Variants in PTPRT observed in about 807,000 individuals in gnomAD.
PTPRT encodes protein tyrosine phosphatase receptor type T.
In PTPRT, 56 loss-of-function variants were observed where a neutral mutation model predicts 176.8. The ratio of observed to expected loss-of-function variants is 0.32; its 90% CI spans 0.26 to 0.40. The LOEUF (loss-of-function observed/expected upper bound fraction) is 0.40, where lower values mean the gene tolerates loss of function less well. Among genes scored for constraint, PTPRT ranks in the 10% least tolerant of loss-of-function variants. The pLI is 1.00. For synonymous variants in PTPRT, 783 were observed against 739.0 expected, an observed-to-expected ratio of 1.06 and a Z score of -0.96; for missense variants, 1,540 against 1,908.2, an observed-to-expected ratio of 0.81 and a Z score of 3.60.
intron 15 of PTPRT, among the ~76,000 whole-genome samples, chr20:42,223,735 T>C (rs2055939666): frequency 1.3e-5 from 2 of 152,170 alleles, no homozygotes; most frequent in Non-Finnish European, 2.9e-5. Flanking sequence ...GATATGAGCT[T>C]AGATTTTTCA....
chr20:42,662,130 T>C (rs1478330564), intron 7 of PTPRT, among the ~76,000 whole-genome samples: 1 of 152,182 alleles, frequency 6.6e-6, no homozygotes, highest in East Asian at 1.9e-4. Flanking sequence ...AAAGATAGCA[T>C]ACTGTCCTCT....
chr20:42,655,463 C>A (rs1205970254), intron 7 of PTPRT, among the ~76,000 whole-genome samples: 2 of 152,132 alleles, frequency 1.3e-5, no homozygotes, highest in Non-Finnish European at 2.9e-5. Context: ...TGCACTCCAG[C>A]CTGGGTGACA....
At chr20:42,346,477 C>T (rs1233674205) in intron 11 of PTPRT, among the ~76,000 whole-genome samples, 2 of 152,184 alleles carry the variant, frequency 1.3e-5, no homozygotes, top group Admixed American at 6.5e-5. Flanking sequence ...TTCTGGGATT[C>T]TGTCACTTAA....
At chr20:42,795,634 C>A (rs533716684) in intron 2 of PTPRT, among the ~76,000 whole-genome samples, 1 of 152,340 alleles carries the variant, frequency 6.6e-6, no homozygotes, top group African/African-American at 2.4e-5. Flanking sequence ...GTGCCAGCAC[C>A]TACTTGAAGG....
intron 7 of PTPRT, among the ~76,000 whole-genome samples, chr20:42,644,078 C>T (rs1033649164): frequency 6.6e-6 from 1 of 152,080 alleles, no homozygotes; most frequent in Non-Finnish European, 1.5e-5. Context: ...CGCAGAAAAC[C>T]AAGGGGGCCC....
chr20:42,413,769 C>T (rs1377534259), intron 9 of PTPRT, among the ~76,000 whole-genome samples: 1 of 152,188 alleles, frequency 6.6e-6, no homozygotes, highest in African/African-American at 2.4e-5. Context: ...AAGAACACCT[C>T]CACAGAGAAC....
intron 9 of PTPRT, among the ~76,000 whole-genome samples, chr20:42,386,770 G>T (rs2058748880): frequency 6.6e-6 from 1 of 152,130 alleles, no homozygotes; most frequent in Non-Finnish European, 1.5e-5. Flanking sequence ...CTGAGGCAAA[G>T]AATTGCTTGA....
chr20:42,639,696 T>C (rs565353721), intron 7 of PTPRT, among the ~76,000 whole-genome samples: 1 of 152,144 alleles, frequency 6.6e-6, no homozygotes, highest in African/African-American at 2.4e-5. Flanking sequence ...CTGTCTGTTA[T>C]ATTGCTCCTA....
intron 1 of PTPRT, among the ~76,000 whole-genome samples, chr20:42,979,053 C>T (rs919988198): frequency 6.6e-6 from 1 of 152,142 alleles, no homozygotes; most frequent in African/African-American, 2.4e-5. Flanking sequence ...GACCAGGACC[C>T]CTTTCCTGAA....
chr20:42,169,618 A>G (rs1989987008), intron 16 of PTPRT, among the ~76,000 whole-genome samples: 1 of 152,112 alleles, frequency 6.6e-6, no homozygotes, highest in Non-Finnish European at 1.5e-5. Flanking sequence ...ACAGGTCTGG[A>G]GAGACTTCTC....
At chr20:42,875,586 C>T (rs2078916523) in intron 2 of PTPRT, among the ~76,000 whole-genome samples, 4 of 152,224 alleles carry the variant, frequency 2.6e-5, no homozygotes, top group Admixed American at 2.6e-4. Flanking sequence ...TCTTCTCCCA[C>T]CTCTATCTCT....
chr20:42,718,780 T>C (rs1401141723), intron 6 of PTPRT, among the ~76,000 whole-genome samples: 1 of 152,126 alleles, frequency 6.6e-6, no homozygotes, highest in Non-Finnish European at 1.5e-5. Flanking sequence ...GATCAGGATG[T>C]TGTTTACATT....
At chr20:42,087,661 G>C (rs1984121000) in intron 27 of PTPRT, among the ~76,000 whole-genome samples, 1 of 150,874 alleles carries the variant, frequency 6.6e-6, no homozygotes, top group Non-Finnish European at 1.5e-5. Context: ...GGATCGTGAG[G>C]TCAGGAGTTC....
intron 7 of PTPRT, among the ~76,000 whole-genome samples, chr20:42,622,355 C>G (rs1206114226): frequency 6.6e-6 from 1 of 152,046 alleles, no homozygotes; most frequent in Non-Finnish European, 1.5e-5. Flanking sequence ...CATTCTCCTG[C>G]CTCAGCCTCC....
At chr20:42,061,952 T>C in the PTPRT span, among the ~76,000 whole-genome samples, 1 of 152,198 alleles carries the variant, frequency 6.6e-6, no homozygotes, top group Middle Eastern at 3.2e-3. Context: ...ATTTTACCTT[T>C]TGTGATGAAC....
chr20:42,823,368 C>T (rs1345080067), intron 2 of PTPRT, among the ~76,000 whole-genome samples: 3 of 152,008 alleles, frequency 2.0e-5, no homozygotes, highest in Non-Finnish European at 4.4e-5. Context: ...AGGGGAATAA[C>T]ACACACCAGG....
chr20:42,622,392 C>T (rs539982839), intron 7 of PTPRT, among the ~76,000 whole-genome samples: 1 of 152,232 alleles, frequency 6.6e-6, no homozygotes, highest in South Asian at 2.1e-4. Context: ...CAGGCACCCG[C>T]CAACATGCCG....
chr20:42,106,935 A>G lies in PTPRT; in HGVS notation c.3255-14T>C. 6.2e-7 allele frequency: 1 copy of G among 1,613,486 alleles called. No individual in the cohort carries two copies. ...CCAGCCCCAGCACTGGAAGAGAGGT[A>G]TGGTCTGTGTTAAGGATCTTCATGG... On this transcript the variant is annotated splice_polypyrimidine_tract_variant and intron_variant, in intron 23 of 30. Transcript: ENST00000373187.
intron 7 of PTPRT, among the ~76,000 whole-genome samples, chr20:42,620,829 C>A (rs556103527): frequency 6.6e-6 from 1 of 152,142 alleles, no homozygotes; most frequent in African/African-American, 2.4e-5. Flanking sequence ...CACTGGCCTG[C>A]GCCCACTGTC....
Sources: allele counts gnomAD v4.1 joint callset (sites outside exome capture counted in the v4.1 genomes callset), GRCh38; gene constraint gnomAD v4.1.1; transcripts MANE v1.5; gene names NCBI Gene and HGNC (gene_info 2026-07-23, HGNC 2026-07-21).